XKR9: variants seen among roughly 807,000 people sequenced by gnomAD.
XKR9 encodes the protein XK related 9, also known as XK-related protein 9.
In XKR9, 32 loss-of-function variants were observed where a neutral mutation model predicts 32.0. That is an observed-to-expected ratio of 1.00 (90% CI 0.76 to 1.34). The LOEUF is 1.34. Among genes scored for constraint, XKR9 ranks in the 40% most tolerant of loss-of-function variants. The pLI, the probability that XKR9 is intolerant of heterozygous loss-of-function variation, is 0.00. For missense variants in XKR9, 546 were observed against 429.7 expected (o/e 1.27, Z -2.39); for synonymous variants, 168 against 143.4 (o/e 1.17, Z -1.22).
At chr8:70,780,829 G>A (rs1270433497) in intron 2 of XKR9, 1 of 151,956 alleles carries the variant, frequency 6.6e-6, no homozygotes, top group Non-Finnish European at 1.5e-5. Context: ...TCATATTATA[G>A]TCCCATCAGC....
intron 2 of XKR9, among the ~76,000 whole-genome samples, chr8:70,767,268 A>T (rs550753955): frequency 2.3e-4 from 35 of 152,198 alleles, no homozygotes; most frequent in Middle Eastern, 3.4e-3. Context: ...TTATTGCCTC[A>T]ATTTCAGAAC....
intron 3 of XKR9, among the ~76,000 whole-genome samples, chr8:70,700,350 A>T (rs745597585): frequency 9.2e-5 from 14 of 151,986 alleles, no homozygotes; most frequent in Non-Finnish European, 2.1e-4. Flanking sequence ...TGATGTACAG[A>T]TGGGTTTTTG....
the XKR9 span, among the ~76,000 whole-genome samples, chr8:70,855,680 T>G: frequency 2.0e-5 from 3 of 152,218 alleles, no homozygotes; most frequent in Non-Finnish European, 4.4e-5. Context: ...AATTGTCAGA[T>G]TCACCAAAGT....
At chr8:70,917,306 C>T in the XKR9 span, among the ~76,000 whole-genome samples, 7 of 152,202 alleles carry the variant, frequency 4.6e-5, no homozygotes, top group East Asian at 1.9e-4. Flanking sequence ...TTCCTTGTAC[C>T]GCTTTTTCTT....
intron 2 of XKR9, among the ~76,000 whole-genome samples, chr8:70,744,183 C>T (rs576665510): frequency 1.1e-4 from 16 of 151,962 alleles, no homozygotes; most frequent in African/African-American, 2.9e-4. Context: ...TGGTAGCAGG[C>T]GCCTCTAATC....
At chr8:70,850,243 C>A in the XKR9 span, among the ~76,000 whole-genome samples, 1 of 151,922 alleles carries the variant, frequency 6.6e-6, no homozygotes, top group East Asian at 1.9e-4. Context: ...AGGCGGATCA[C>A]TAGGTCAGGA....
the XKR9 span, among the ~76,000 whole-genome samples, chr8:70,931,900 A>G: frequency 6.6e-6 from 1 of 152,154 alleles, no homozygotes. Flanking sequence ...ATTCCTACCA[A>G]AGGCCCCATC....
the XKR9 span, among the ~76,000 whole-genome samples, chr8:70,813,741 A>T: frequency 6.6e-6 from 1 of 152,236 alleles, no homozygotes; most frequent in East Asian, 1.9e-4. Context: ...AACCGCAATG[A>T]GATACCATCT....
the XKR9 span, among the ~76,000 whole-genome samples, chr8:70,821,650 G>A: frequency 6.6e-6 from 1 of 152,194 alleles, no homozygotes; most frequent in Non-Finnish European, 1.5e-5. Context: ...ACTTTTGCGT[G>A]CCTTCACGAT....
At chr8:71,034,792 A>C in the XKR9 span, among the ~76,000 whole-genome samples, 1 of 152,114 alleles carries the variant, frequency 6.6e-6, no homozygotes, top group Non-Finnish European at 1.5e-5. Flanking sequence ...TAGATTCCTC[A>C]CCCAAGGAAT....
chr8:70,897,861 G>A, the XKR9 span, among the ~76,000 whole-genome samples: 3 of 152,154 alleles, frequency 2.0e-5, no homozygotes. Context: ...CTGTGCAAAA[G>A]CTTTTTAACT....
intron 3 of XKR9, among the ~76,000 whole-genome samples, chr8:70,695,991 TG>T (rs1805260105): frequency 2.0e-5 from 3 of 152,040 alleles, no homozygotes; most frequent in Admixed American, 2.0e-4. Flanking sequence ...TTTTAAGAAG[TG>T]TCTGTTCATG....
chr8:71,017,742 G>A, the XKR9 span, among the ~76,000 whole-genome samples: 1 of 152,114 alleles, frequency 6.6e-6, no homozygotes, highest in African/African-American at 2.4e-5. Context: ...TCATGAGCTC[G>A]GGTACTCCCA....
At chr8:70,911,303 C>A in the XKR9 span, among the ~76,000 whole-genome samples, 3 of 152,308 alleles carry the variant, frequency 2.0e-5, no homozygotes, top group East Asian at 5.8e-4. Flanking sequence ...GATATTCAAT[C>A]ATTTTCAACA....
intron 2 of XKR9, among the ~76,000 whole-genome samples, chr8:70,770,996 C>A (rs533598349): frequency 6.6e-6 from 1 of 152,264 alleles, no homozygotes; most frequent in East Asian, 1.9e-4. Flanking sequence ...GGTGTCTGCT[C>A]AAATGACAGC....
At chr8:71,051,407 C>A in the XKR9 span, among the ~76,000 whole-genome samples, 4 of 152,064 alleles carry the variant, frequency 2.6e-5, no homozygotes, top group African/African-American at 7.2e-5. Context: ...TTAAGAGAGG[C>A]CTTTTCTGTT....
chr8:70,860,080 C>CA, the XKR9 span, among the ~76,000 whole-genome samples: 1 of 152,072 alleles, frequency 6.6e-6, no homozygotes, highest in African/African-American at 2.4e-5. Flanking sequence ...ATACATGCAA[C>CA]AAAAAATCAC....
the XKR9 span, among the ~76,000 whole-genome samples, chr8:70,822,890 G>A: frequency 6.6e-6 from 1 of 152,098 alleles, no homozygotes; most frequent in Non-Finnish European, 1.5e-5. Flanking sequence ...TGAAGTTTTA[G>A]AAACACATAA....
chr8:70,670,356 A>C (rs11991560), intron 1 of XKR9, among the ~76,000 whole-genome samples: 16,995 of 152,190 alleles, frequency 0.11, 1,110 homozygotes, highest in African/African-American at 0.18. Flanking sequence ...TTAACTATCC[A>C]GTGTTAACTA....
Sources: gnomAD v4.1 joint callset for allele counts (sites outside exome capture counted in the v4.1 genomes callset) on GRCh38, gnomAD v4.1.1 for gene constraint, MANE v1.5 for transcripts, NCBI Gene and HGNC (gene_info 2026-07-23, HGNC 2026-07-21) for gene names.